LMX1B: variants seen among roughly 807,000 people sequenced by gnomAD.
LMX1B encodes the protein LIM homeobox transcription factor 1 beta.
In LMX1B, 12 loss-of-function variants were observed where a neutral mutation model predicts 51.4. The ratio of observed to expected loss-of-function variants is 0.23; its 90% CI spans 0.15 to 0.38. The LOEUF is 0.38. Ranked by LOEUF, LMX1B falls within the 10% of genes least tolerant of loss-of-function variation. The pLI is 1.00. For synonymous variants in LMX1B, 237 were observed against 235.4 expected (o/e 1.01, Z -0.06); for missense variants, 445 against 571.1 (o/e 0.78, Z 2.25).
chr9:126,652,303 G>C (rs574682082), intron 2 of LMX1B, among the ~76,000 whole-genome samples: 13 of 149,388 alleles, frequency 8.7e-5, no homozygotes, highest in Non-Finnish European at 3.0e-5. Flanking sequence ...AGAAGGGGGG[G>C]GGGATTTTCT....
intron 2 of LMX1B, among the ~76,000 whole-genome samples, chr9:126,633,259 ATGAGTCTACATTT>A (rs1417768506): frequency 6.6e-6 from 1 of 152,210 alleles, no homozygotes; most frequent in Non-Finnish European, 1.5e-5. Context: ...GGTGAAGCCC[ATGAGTCTACATTT>A]CCAGATGGCC....
Position 126,615,430 on chromosome 9 carries a change from A to T in LMX1B, c.187A>T (p.Ile63Phe). Residue 63 changes from isoleucine to phenylalanine, a missense_variant, in exon 2 of 8, where the codon ATC (isoleucine) becomes TTC (phenylalanine). Physicochemically the swap from Ile to Phe is conservative, Grantham distance 21. This residue lies in a region of LMX1B where 273 missense variants were observed against 343.3 expected (regional missense o/e 0.80). Coordinates refer to ENST00000373474, the MANE Select transcript of LMX1B (RefSeq NM_001174147.2). This position sits in a 1 kb window ranked among gnomAD's most constrained non-coding sequence, Gnocchi z 6.0. ...CGTCTGCGAGGGCTGCCAGCGGCCC[A>T]TCTCCGACCGCTTCCTGATGCGAGT... The part of the protein sequence containing the change: ...PAVCEGCQRP[I>F]SDRFLMRVNE... 1 of 1,608,662 alleles carries T rather than the reference A, an allele frequency of 6.2e-7. No homozygotes were observed. Among genetic ancestry groups the T allele is most frequent in the Non-Finnish European group, 8.5e-7 (1 of 1,177,832 alleles).
chr9:126,686,133 AGCCGG>A (rs1197644940), intron 2 of LMX1B, among the ~76,000 whole-genome samples: 2 of 152,012 alleles, frequency 1.3e-5, no homozygotes, highest in Non-Finnish European at 2.9e-5. Context: ...ACAAAAAATT[AGCCGG>A]GCGTGGTGGC....
At chr9:126,662,825 C>T (rs963073238) in intron 2 of LMX1B, among the ~76,000 whole-genome samples, 2 of 152,238 alleles carry the variant, frequency 1.3e-5, no homozygotes, top group African/African-American at 4.8e-5. Flanking sequence ...AAGCTTCCTC[C>T]AGGTGGGGCT....
intron 3 of LMX1B, 113 bp downstream of exon 3, chr9:126,691,181 C>T: frequency 1.3e-6 from 1 of 743,654 alleles, no homozygotes. Context: ...CTGAGCTGCA[C>T]ACAGATGGTA....
chr9:126,679,324 T>A (rs1588298189), intron 2 of LMX1B, among the ~76,000 whole-genome samples: 1 of 151,704 alleles, frequency 6.6e-6, no homozygotes, highest in African/African-American at 2.4e-5. Context: ...GTGGAGAGGG[T>A]GGATGTAGCT....
chr9:126,654,144 G>A (rs1156859660), intron 2 of LMX1B, among the ~76,000 whole-genome samples: 1 of 152,182 alleles, frequency 6.6e-6, no homozygotes, highest in African/African-American at 2.4e-5. Context: ...GCCCTTCTGA[G>A]CCACTCCCGA....
chr9:126,685,114 T>C (rs1836747309), intron 2 of LMX1B, among the ~76,000 whole-genome samples: 1 of 151,766 alleles, frequency 6.6e-6, no homozygotes, highest in Non-Finnish European at 1.5e-5. Flanking sequence ...AACTGGAGAG[T>C]GGCTGGGATT....
chr9:126,678,998 G>A (rs1836623744), intron 2 of LMX1B, among the ~76,000 whole-genome samples: 1 of 152,146 alleles, frequency 6.6e-6, no homozygotes, highest in Non-Finnish European at 1.5e-5. Context: ...TCATAATGGT[G>A]GGGTCAAAAT....
At chr9:126,642,601 T>G (rs538100474) in intron 2 of LMX1B, among the ~76,000 whole-genome samples, 5 of 152,308 alleles carry the variant, frequency 3.3e-5, no homozygotes, top group Admixed American at 6.5e-5. Context: ...CCAGCCCTTG[T>G]CATGTGGCTT....
chr9:126,631,798 C>T (rs753909535), intron 2 of LMX1B, among the ~76,000 whole-genome samples: 1 of 152,156 alleles, frequency 6.6e-6, no homozygotes, highest in Non-Finnish European at 1.5e-5. Flanking sequence ...GCCTCAGTTT[C>T]TTCAAAGTTT....
chr9:126,632,415 G>GGAGGGGCTGCC (rs901891704), intron 2 of LMX1B, among the ~76,000 whole-genome samples: 1 of 152,300 alleles, frequency 6.6e-6, no homozygotes, highest in African/African-American at 2.4e-5. Context: ...TGAGTCTGGC[G>GGAGGGGCTGCC]GAGGGGCTGC....
intron 7 of LMX1B, 133 bp from the exon 8 acceptor site, chr9:126,696,161 C>A: frequency 8.5e-7 from 1 of 1,171,590 alleles, no homozygotes; most frequent in Non-Finnish European, 1.3e-6. Flanking sequence ...GGCCCCAGTC[C>A]TTCTTGGCCG....
intron 2 of LMX1B, among the ~76,000 whole-genome samples, chr9:126,674,442 A>G (rs1319660139): frequency 6.6e-6 from 1 of 152,208 alleles, no homozygotes; most frequent in African/African-American, 2.4e-5. Flanking sequence ...GTGAACAGGC[A>G]GAGATGGGGC....
At chr9:126,629,178 C>T (rs1415509392) in intron 2 of LMX1B, among the ~76,000 whole-genome samples, 2 of 152,156 alleles carry the variant, frequency 1.3e-5, no homozygotes, top group South Asian at 2.1e-4. Context: ...AGGAAGCCCA[C>T]AGAAGCCTCC....
rs1296692156 is a variant in LMX1B, at chr9:126,615,154, G to GAGCC, written c.140-227_140-224dup. Among the ~76,000 whole-genome samples, 3 of 152,080 alleles carry GAGCC rather than the reference G, an allele frequency of 2.0e-5. No homozygotes were observed. The East Asian group carries it at 5.9e-4, about 30-fold the overall frequency. On this transcript the variant is annotated intron_variant, in intron 1 of 7. Transcript: ENST00000373474. This position sits in a 1 kb window ranked among gnomAD's most constrained non-coding sequence, Gnocchi z 6.0. ...CCGGAGAAGGGGAGAGCACAGCGCC[G>GAGCC]AGCCAAGGCTCGAGGCCCGCGGCCT...
rs755877579 is a variant in LMX1B at position 126,690,843 on chromosome 9, G to A, written c.334G>A (p.Ala112Thr). 19 of 1,609,504 alleles carry A rather than the reference G, an allele frequency of 1.2e-5. No individual in the cohort carries two copies. The highest frequency in any genetic ancestry group is 5.3e-5 in the African/African-American group (4 of 74,886). ...YCKQDYQQLF[A>T]AKCSGCMEKI... ...CGCTTTGTGCATCCGCAGGCTCTTCGCGGCCAAGTGCAGCGGCTGCATGGA... is the reference window on the plus strand; with the variant it reads ...CGCTTTGTGCATCCGCAGGCTCTTCACGGCCAAGTGCAGCGGCTGCATGGA... Residue 112 changes from alanine to threonine, a missense_variant, in exon 3 of 8, where the codon GCG (alanine) becomes ACG (threonine). This residue lies in a region of LMX1B where 273 missense variants were observed against 343.3 expected (regional missense o/e 0.80). Transcript: ENST00000373474.
chr9:126,683,944 T>C (rs964947730), intron 2 of LMX1B, among the ~76,000 whole-genome samples: 8 of 152,184 alleles, frequency 5.3e-5, no homozygotes, highest in Admixed American at 6.5e-5. Flanking sequence ...TGGTGCTTTC[T>C]GTGCCTCTCT....
At position 126,669,700 on chromosome 9, in the gene LMX1B, A is replaced by G. The variant is rs538255768; in HGVS notation, c.327-21136A>G. ...TGGCAGTATGTTTCTCTGTGCAAGT[A>G]GGTGCCATTCTGGTCACCTCATGTG... On this transcript the variant is annotated intron_variant, in intron 2 of 7. Transcript: ENST00000373474. Among the ~76,000 whole-genome samples the G allele has an allele frequency of 2.6e-5, 4 of 152,192 alleles. No individual in the cohort carries two copies. In the East Asian group the frequency reaches 7.8e-4, roughly 30 times the overall value.
Sources: gnomAD v4.1 joint callset for allele counts (sites outside exome capture counted in the v4.1 genomes callset) on GRCh38, gnomAD v4.1.1 for gene constraint, gnomAD v4.1.1 regional missense constraint, Gnocchi (gnomAD v3.1) non-coding constraint, MANE v1.5 for transcripts, NCBI Gene and HGNC (gene_info 2026-07-23, HGNC 2026-07-21) for gene names.